The following RYR2 variants were observed in gnomAD, a reference collection of about 807,000 sequenced individuals.
The protein encoded by RYR2 is ryanodine receptor 2.
RYR2 carries 227 observed loss-of-function variants against 601.1 expected under a neutral mutation model. The observed-to-expected ratio is 0.38, with a 90% CI of 0.34 to 0.42. The LOEUF (loss-of-function observed/expected upper bound fraction) is 0.42, where lower values mean the gene tolerates loss of function less well. Ranked by LOEUF, RYR2 falls within the 10% of genes least tolerant of loss-of-function variation. RYR2 has a pLI of 1.00. For missense variants in RYR2, 4,646 were observed against 6,156.5 expected (o/e 0.75, Z 8.21); for synonymous variants, 2,223 against 2,175.1 (o/e 1.02, Z -0.61).
intron 25 of RYR2, among the ~76,000 whole-genome samples, chr1:237,531,504 T>C (rs565588374): frequency 1.3e-5 from 2 of 152,322 alleles, no homozygotes; most frequent in East Asian, 3.9e-4. Flanking sequence ...ATGTATTAAA[T>C]AATAGCATCG....
At chr1:237,661,425 T>C (rs1030637072) in intron 56 of RYR2, among the ~76,000 whole-genome samples, 9 of 152,054 alleles carry the variant, frequency 5.9e-5, no homozygotes, top group African/African-American at 1.2e-4. Flanking sequence ...CAGCAAACCA[T>C]TGTGGCACGT....
chr1:237,147,262 T>A (rs1674104215), intron 1 of RYR2, among the ~76,000 whole-genome samples: 1 of 152,232 alleles, frequency 6.6e-6, no homozygotes, highest in Non-Finnish European at 1.5e-5. Context: ...TTTGGGTTAA[T>A]AATTAAGCAG....
chr1:237,542,850 GAGTACAATATAGGAAGCAAGATAGA>G (rs1255266581), intron 25 of RYR2, among the ~76,000 whole-genome samples: 1 of 152,158 alleles, frequency 6.6e-6, no homozygotes, highest in Admixed American at 6.6e-5. Flanking sequence ...CCATTTGGCT[GAGTACAATATAGGAAGCAAGATAGA>G]AGCTCACTTT....
Position 237,121,767 on chromosome 1 carries a change from C to T in RYR2, c.48+79198C>T, listed in dbSNP as rs371231539. On this transcript the variant is annotated intron_variant, in intron 1 of 104. Coordinates refer to ENST00000366574, the MANE Select transcript of RYR2 (RefSeq NM_001035.3). ...CATGGGTTCCTTGGGGCAGGCATGG[C>T]GGGTGACCTCGTGGGTTTGTAAATA... Among the ~76,000 whole-genome samples, 7 of 152,106 alleles carry T rather than the reference C, an allele frequency of 4.6e-5. No individual in the cohort carries two copies. In the East Asian group the frequency reaches 5.8e-4, roughly 13 times the overall value.
chr1:237,282,608 C>T (rs1395588287), intron 2 of RYR2, among the ~76,000 whole-genome samples: 1 of 152,092 alleles, frequency 6.6e-6, no homozygotes, highest in Non-Finnish European at 1.5e-5. Flanking sequence ...GATGCACTTG[C>T]CCTCCTAAAG....
intron 2 of RYR2, among the ~76,000 whole-genome samples, chr1:237,292,052 A>G (rs1453126412): frequency 6.6e-6 from 1 of 152,192 alleles, no homozygotes; most frequent in Non-Finnish European, 1.5e-5. Flanking sequence ...GTGCCTTCCT[A>G]CTTTTGCTGT....
chr1:237,101,299 T>TAAA (rs374151748), intron 1 of RYR2, among the ~76,000 whole-genome samples: 24 of 94,160 alleles, frequency 2.5e-4, no homozygotes, highest in South Asian at 9.2e-4. Context: ...TTTTAGAAGT[T>TAAA]AAAAAAAAAA....
chr1:237,098,205 T>A (rs1572624031), intron 1 of RYR2, among the ~76,000 whole-genome samples: 3 of 152,348 alleles, frequency 2.0e-5, no homozygotes, highest in East Asian at 3.9e-4. Context: ...AGTGATTCAG[T>A]CGATATTGAT....
intron 1 of RYR2, among the ~76,000 whole-genome samples, chr1:237,217,580 G>A (rs1177848354): frequency 6.6e-6 from 1 of 152,144 alleles, no homozygotes. Flanking sequence ...CAAGTTCATA[G>A]GACGGCAGAG....
intron 3 of RYR2, among the ~76,000 whole-genome samples, chr1:237,331,670 TA>T (rs1214842950): frequency 2.5e-5 from 3 of 119,402 alleles, no homozygotes; most frequent in African/African-American, 8.8e-5. Context: ...CACACCTGGC[TA>T]TTTTTTTTTT....
chr1:237,209,102 G>A (rs978073308), intron 1 of RYR2, among the ~76,000 whole-genome samples: 6 of 149,242 alleles, frequency 4.0e-5, no homozygotes, highest in Non-Finnish European at 7.4e-5. Context: ...ATGTGTTACA[G>A]CACACATAAT....
intron 62 of RYR2, among the ~76,000 whole-genome samples, chr1:237,681,375 G>T (rs989427800): frequency 1.8e-4 from 28 of 152,178 alleles, no homozygotes; most frequent in African/African-American, 6.8e-4. Context: ...GACAGAGTGA[G>T]ATGAGATTGC....
At chr1:237,541,580 T>C (rs1453876136) in intron 25 of RYR2, among the ~76,000 whole-genome samples, 1 of 152,174 alleles carries the variant, frequency 6.6e-6, no homozygotes, top group Non-Finnish European at 1.5e-5. Flanking sequence ...AACATTTTCA[T>C]GCGCGTCCGT....
intron 42 of RYR2, among the ~76,000 whole-genome samples, chr1:237,632,340 TGATGATAATACTCTTG>T (rs1434412820): frequency 1.5e-4 from 23 of 152,168 alleles, no homozygotes; most frequent in South Asian, 1.4e-3. Context: ...GATTGAGATT[TGATGATAATACTCTTG>T]GATGTATTTG....
intron 27 of RYR2, among the ~76,000 whole-genome samples, chr1:237,565,113 CTT>C (rs60559336): frequency 0.78 from 85,006 of 108,382 alleles, 34,619 homozygotes; most frequent in South Asian, 0.88. Flanking sequence ...TTCTTTCTTT[CTT>C]TTTCTTTCTT....
intron 2 of RYR2, among the ~76,000 whole-genome samples, chr1:237,322,319 G>A (rs1028281292): frequency 1.8e-4 from 28 of 152,062 alleles, no homozygotes; most frequent in Admixed American, 1.8e-3. Flanking sequence ...TACTGTCTTC[G>A]CTTTTCTCTT....
chr1:237,629,835 T>C (rs1156766935), intron 41 of RYR2, among the ~76,000 whole-genome samples: 1 of 152,152 alleles, frequency 6.6e-6, no homozygotes, highest in African/African-American at 2.4e-5. Context: ...ATTAAGTATT[T>C]AAAATTATAA....
intron 25 of RYR2, among the ~76,000 whole-genome samples, chr1:237,538,733 T>C (rs1035292392): frequency 3.3e-5 from 5 of 151,638 alleles, no homozygotes; most frequent in African/African-American, 9.7e-5. Context: ...ATCATACCAC[T>C]GCACTCCAGC....
intron 1 of RYR2, among the ~76,000 whole-genome samples, chr1:237,248,522 A>T (rs566723460): frequency 6.6e-6 from 1 of 152,048 alleles, no homozygotes; most frequent in South Asian, 2.1e-4. Flanking sequence ...TATGAAATTT[A>T]GTTTTTGCTT....
Sources: allele counts gnomAD v4.1 joint callset (sites outside exome capture counted in the v4.1 genomes callset), GRCh38; gene constraint gnomAD v4.1.1; transcripts MANE v1.5; gene names NCBI Gene and HGNC (gene_info 2026-07-23, HGNC 2026-07-21).